Variants in ANKS1B observed in about 807,000 individuals in gnomAD.
ANKS1B encodes the protein ankyrin repeat and sterile alpha motif domain-containing protein 1B.
In ANKS1B, 36 loss-of-function variants were observed where a neutral mutation model predicts 148.3. The observed-to-expected ratio is 0.24, with a 90% CI of 0.19 to 0.32. The LOEUF (loss-of-function observed/expected upper bound fraction) is 0.32, where lower values mean the gene tolerates loss of function less well. Among genes scored for constraint, ANKS1B ranks in the 10% least tolerant of loss-of-function variants. The probability of loss-of-function intolerance (pLI) is 1.00; values close to 1 mark genes in which losing one functional copy is unlikely to be tolerated. For synonymous variants in ANKS1B, 542 were observed against 560.8 expected (o/e 0.97, Z 0.47); for missense variants, 1,157 against 1,542.6 (o/e 0.75, Z 4.19).
chr12:99,270,536 T>G (rs1311689887), intron 12 of ANKS1B, among the ~76,000 whole-genome samples: 1 of 152,218 alleles, frequency 6.6e-6, no homozygotes, highest in African/African-American at 2.4e-5. Context: ...ATGTTAACTG[T>G]TGAATCCCTA....
intron 20 of ANKS1B, among the ~76,000 whole-genome samples, chr12:98,807,111 T>C (rs891053658): frequency 8.5e-5 from 13 of 152,330 alleles, no homozygotes; most frequent in African/African-American, 3.1e-4. Context: ...AATAGAATAG[T>C]ATTTTAAAAT....
chr12:99,903,748 A>G (rs2093679737), intron 1 of ANKS1B, among the ~76,000 whole-genome samples: 2 of 151,594 alleles, frequency 1.3e-5, no homozygotes, highest in Admixed American at 6.6e-5. Flanking sequence ...GAAAAATGGG[A>G]GGGGGGGAGA....
chr12:99,401,948 T>C lies in ANKS1B; in HGVS notation c.1576-2137A>G, dbSNP rs781353042. ...CACCCATTGCTCCCTCATTTAGTTA[T>C]GGTCTATGACTGCCCTCGTACTATA... On this transcript the variant is annotated intron_variant, in intron 11 of 26. Coordinates refer to ENST00000683438, the MANE Select transcript of ANKS1B (RefSeq NM_001352186.2). Among the ~76,000 whole-genome samples the C allele has an allele frequency of 1.1e-4, 16 of 146,774 alleles. 2 individuals are homozygous for C. The highest frequency in any genetic ancestry group is 7.5e-5 in the Non-Finnish European group (5 of 66,324).
intron 12 of ANKS1B, among the ~76,000 whole-genome samples, chr12:99,320,942 A>C (rs547030180): frequency 6.6e-6 from 1 of 152,254 alleles, no homozygotes; most frequent in South Asian, 2.1e-4. Context: ...GAAATGCTGC[A>C]GGTCTGTTGG....
intron 8 of ANKS1B, among the ~76,000 whole-genome samples, chr12:99,656,178 A>G (rs951516800): frequency 1.3e-4 from 20 of 152,314 alleles, no homozygotes; most frequent in African/African-American, 4.8e-4. Flanking sequence ...TAATATCTAT[A>G]TAGTAATGAA....
At chr12:99,668,144 A>G (rs964584056) in intron 8 of ANKS1B, among the ~76,000 whole-genome samples, 14 of 152,176 alleles carry the variant, frequency 9.2e-5, no homozygotes, top group African/African-American at 3.4e-4. Context: ...GAATTTCATT[A>G]TGATTTAAGC....
At chr12:99,799,043 G>A (rs2066608880) in intron 4 of ANKS1B, among the ~76,000 whole-genome samples, 1 of 151,976 alleles carries the variant, frequency 6.6e-6, no homozygotes, top group African/African-American at 2.4e-5. Context: ...GCTTCTATCC[G>A]CTATCTTACT....
At chr12:98,740,588 A>G (rs10860362), downstream of ANKS1B, among the ~76,000 whole-genome samples, 27,009 of 152,144 alleles carry the variant, frequency 0.18, 2,885 homozygotes, top group East Asian at 0.4. Flanking sequence ...AGTGTCTCAC[A>G]TGTGTGTGCT....
intron 17 of ANKS1B, among the ~76,000 whole-genome samples, chr12:99,024,632 A>AT (rs2099947697): frequency 1.3e-5 from 2 of 152,100 alleles, no homozygotes; most frequent in African/African-American, 4.8e-5. Flanking sequence ...TTTGTATTTT[A>AT]TATGTTTTAA....
chr12:99,260,340 A>G (rs2075791963), intron 12 of ANKS1B, among the ~76,000 whole-genome samples: 1 of 152,206 alleles, frequency 6.6e-6, no homozygotes, highest in African/African-American at 2.4e-5. Context: ...TATACCTTGA[A>G]TTTGAATTCA....
intron 15 of ANKS1B, 104 bp downstream of exon 15, chr12:99,154,185 T>A: frequency 7.1e-7 from 1 of 1,415,234 alleles, no homozygotes; most frequent in Non-Finnish European, 9.6e-7. Flanking sequence ...CATATATAAA[T>A]CTGACCAGTT....
At chr12:99,742,665 T>A (rs1035915292) in intron 8 of ANKS1B, among the ~76,000 whole-genome samples, 2 of 151,718 alleles carry the variant, frequency 1.3e-5, no homozygotes, top group African/African-American at 4.8e-5. Context: ...AAACCCCGTC[T>A]CTACTAAAAA....
intron 14 of ANKS1B, among the ~76,000 whole-genome samples, chr12:99,217,775 T>C (rs1202961815): frequency 6.6e-6 from 1 of 152,220 alleles, no homozygotes; most frequent in Non-Finnish European, 1.5e-5. Context: ...GAGTGACTAC[T>C]GTGTAAGTGT....
intron 8 of ANKS1B, among the ~76,000 whole-genome samples, chr12:99,770,229 A>C (rs1026000944): frequency 4.7e-5 from 7 of 148,204 alleles, no homozygotes; most frequent in African/African-American, 1.7e-4. Context: ...AAAACTGAGT[A>C]AGTGTCAGTT....
At chr12:99,166,164 A>T (rs1156747656) in intron 14 of ANKS1B, among the ~76,000 whole-genome samples, 1 of 151,676 alleles carries the variant, frequency 6.6e-6, no homozygotes, top group Non-Finnish European at 1.5e-5. Context: ...TTAGTACCAT[A>T]CTAGATTGTG....
At chr12:99,366,076 A>AG (rs2092748942) in intron 12 of ANKS1B, among the ~76,000 whole-genome samples, 2 of 152,256 alleles carry the variant, frequency 1.3e-5, no homozygotes, top group African/African-American at 4.8e-5. Context: ...TCTGTATTAC[A>AG]GGGGGCAGCC....
chr12:99,520,251 A>G (rs529866824), intron 9 of ANKS1B, among the ~76,000 whole-genome samples: 16 of 152,294 alleles, frequency 1.1e-4, no homozygotes, highest in African/African-American at 3.8e-4. Flanking sequence ...TTCTTGTAGG[A>G]CAGGTCTGTT....
At chr12:98,877,982 G>A (rs1405377901) in intron 17 of ANKS1B, among the ~76,000 whole-genome samples, 1 of 152,066 alleles carries the variant, frequency 6.6e-6, no homozygotes. Flanking sequence ...CAATCTACTA[G>A]AGGAATGAAA....
At chr12:99,563,768 A>C (rs992163690) in intron 9 of ANKS1B, among the ~76,000 whole-genome samples, 2 of 152,182 alleles carry the variant, frequency 1.3e-5, no homozygotes, top group Admixed American at 6.5e-5. Context: ...TTACCTATGA[A>C]GTGCAATAAG....
Sources: allele counts gnomAD v4.1 joint callset (sites outside exome capture counted in the v4.1 genomes callset), GRCh38; gene constraint gnomAD v4.1.1; transcripts MANE v1.5; gene names NCBI Gene and HGNC (gene_info 2026-07-23, HGNC 2026-07-21).